Variants in C2orf76 observed in about 807,000 individuals in gnomAD.
C2orf76 encodes chromosome 2 open reading frame 76, also known as UPF0538 protein C2orf76.
C2orf76 carries 23 observed loss-of-function variants against 16.9 expected under a neutral mutation model. The observed-to-expected ratio is 1.36, with a 90% CI of 0.98 to 1.93. C2orf76 has a LOEUF of 1.93. Among genes scored for constraint, C2orf76 ranks in the 30% most tolerant of loss-of-function variants. The probability of loss-of-function intolerance (pLI) is 0.00; values close to 1 mark genes in which losing one functional copy is unlikely to be tolerated. For synonymous variants in C2orf76, 48 were observed against 52.3 expected (o/e 0.92, Z 0.35); for missense variants, 152 against 152.6 (o/e 1.00, Z 0.02).
intron 1 of C2orf76, among the ~76,000 whole-genome samples, chr2:119,349,582 C>T (rs867124531): frequency 5.9e-5 from 9 of 152,218 alleles, no homozygotes; most frequent in Admixed American, 2.0e-4. Context: ...CAGTTCCCCA[C>T]ACCCACCACG....
downstream of C2orf76, among the ~76,000 whole-genome samples, chr2:119,298,665 G>A (rs947654343): frequency 6.6e-6 from 1 of 151,784 alleles, no homozygotes; most frequent in African/African-American, 2.4e-5. Flanking sequence ...GATTAGGTAG[G>A]TATCTTCCAT....
intron 1 of C2orf76, among the ~76,000 whole-genome samples, chr2:119,354,840 T>C (rs1680518795): frequency 6.6e-6 from 1 of 152,266 alleles, no homozygotes; most frequent in African/African-American, 2.4e-5. Flanking sequence ...AAATTTTAGC[T>C]AATCTGCTGA....
chr2:119,304,937 A>G (rs1678729100), intron 5 of C2orf76, among the ~76,000 whole-genome samples: 1 of 152,174 alleles, frequency 6.6e-6, no homozygotes, highest in African/African-American at 2.4e-5. Context: ...CTGCTTCCCA[A>G]ATACTATTTA....
intron 4 of C2orf76, among the ~76,000 whole-genome samples, chr2:119,314,213 A>C (rs1399907404): frequency 6.6e-6 from 1 of 151,480 alleles, no homozygotes; most frequent in South Asian, 2.1e-4. Flanking sequence ...CATTTTTTGA[A>C]TTTTTCATCG....
chr2:119,328,316 C>T (rs1182336211), intron 2 of C2orf76, among the ~76,000 whole-genome samples: 2 of 151,902 alleles, frequency 1.3e-5, no homozygotes, highest in Non-Finnish European at 2.9e-5. Context: ...TTGTTCATGC[C>T]GTTTCTTTTT....
At chr2:119,294,673 C>G in the C2orf76 span, among the ~76,000 whole-genome samples, 2 of 151,982 alleles carry the variant, frequency 1.3e-5, no homozygotes, top group Admixed American at 1.3e-4. Context: ...GGAGGGGTCT[C>G]AGAGTTGAGG....
At chr2:119,303,885 T>C (rs13015640) in intron 5 of C2orf76, among the ~76,000 whole-genome samples, 29,773 of 152,032 alleles carry the variant, frequency 0.2, 3,172 homozygotes, top group Middle Eastern at 0.31. Context: ...ACAAGGAGCC[T>C]GTGGGGGATA....
rs1367926817 is a variant in C2orf76, at chr2:119,366,794, TC to T, written c.-18del. Reference sequence around the variant, plus strand: ...CCCTACTTCCGTTGTCCCCACCTGTTCCCGGCGTCCCCTTCGGCTACTCCCG... The same window carrying T: ...CCCTACTTCCGTTGTCCCCACCTGTTCCGGCGTCCCCTTCGGCTACTCCCG... On this transcript the variant is annotated 5_prime_UTR_variant, in exon 1 of 6. Transcript: ENST00000334816. 2 of 575,202 alleles carry T rather than the reference TC, an allele frequency of 3.5e-6. No individual in the cohort carries two copies. Among genetic ancestry groups the T allele is most frequent in the Non-Finnish European group, 6.1e-6 (2 of 325,482 alleles). 35.6% of individuals were successfully genotyped at this position (575,202 alleles called of 1,614,324 possible). A position where few individuals can be genotyped will look rare whatever the true frequency, so the allele number is the denominator to read the frequency against.
the C2orf76 span, among the ~76,000 whole-genome samples, chr2:119,289,384 T>A: frequency 2.0e-5 from 3 of 152,038 alleles, no homozygotes; most frequent in Non-Finnish European, 4.4e-5. Context: ...CCAGCTGTGG[T>A]GTCTGCATTA....
intron 1 of C2orf76, among the ~76,000 whole-genome samples, chr2:119,346,531 C>T (rs1425058655): frequency 6.6e-6 from 1 of 152,154 alleles, no homozygotes; most frequent in Non-Finnish European, 1.5e-5. Context: ...TGAAAAAAGG[C>T]AGTCTCAAAA....
chr2:119,312,448 C>T (rs1421735896), intron 4 of C2orf76, among the ~76,000 whole-genome samples: 1 of 152,058 alleles, frequency 6.6e-6, no homozygotes, highest in Non-Finnish European at 1.5e-5. Context: ...CGGGGTCTCA[C>T]TATCTTGCCC....
intron 1 of C2orf76, among the ~76,000 whole-genome samples, chr2:119,353,927 G>A (rs1680485719): frequency 1.3e-5 from 2 of 152,116 alleles, no homozygotes; most frequent in Admixed American, 1.3e-4. Flanking sequence ...GAGGCTGGTT[G>A]AAGGTACAGT....
At chr2:119,320,551 T>G (rs1421560084) in intron 3 of C2orf76, among the ~76,000 whole-genome samples, 1 of 152,170 alleles carries the variant, frequency 6.6e-6, no homozygotes, top group Non-Finnish European at 1.5e-5. Flanking sequence ...GGTCATAAGT[T>G]GTTCTATCAA....
chr2:119,364,977 G>A (rs1421749799), intron 1 of C2orf76, among the ~76,000 whole-genome samples: 11 of 152,108 alleles, frequency 7.2e-5, no homozygotes, highest in African/African-American at 2.2e-4. Context: ...CCAGCTACTC[G>A]GGAGGCTAAG....
At chr2:119,364,993 A>G (rs1680879868) in intron 1 of C2orf76, among the ~76,000 whole-genome samples, 1 of 152,194 alleles carries the variant, frequency 6.6e-6, no homozygotes, top group Non-Finnish European at 1.5e-5. Flanking sequence ...CTAAGGTGGG[A>G]GGATCGCTTG....
downstream of C2orf76, among the ~76,000 whole-genome samples, chr2:119,301,393 A>T (rs1000559093): frequency 1.3e-5 from 2 of 152,236 alleles, no homozygotes; most frequent in African/African-American, 4.8e-5. Context: ...TTTGTTAAGA[A>T]ATCATAGGTT....
At chr2:119,343,536 C>T (rs977426915) in intron 1 of C2orf76, among the ~76,000 whole-genome samples, 2 of 151,794 alleles carry the variant, frequency 1.3e-5, no homozygotes, top group African/African-American at 2.4e-5. Flanking sequence ...TGGAATGCAG[C>T]CCAGTGTCCC....
At chr2:119,365,663 A>C (rs994166770) in intron 1 of C2orf76, among the ~76,000 whole-genome samples, 2 of 152,094 alleles carry the variant, frequency 1.3e-5, no homozygotes, top group Non-Finnish European at 2.9e-5. Context: ...TCTCCAGAGA[A>C]TTTTCCATCA....
chr2:119,317,679 A>G (rs1679216427), intron 3 of C2orf76, among the ~76,000 whole-genome samples, 176 bp from the exon 4 acceptor site: 1 of 152,208 alleles, frequency 6.6e-6, no homozygotes, highest in Non-Finnish European at 1.5e-5. Flanking sequence ...TAGATCATTA[A>G]AACTGAAGTA....
Sources: gnomAD v4.1 joint callset for allele counts (sites outside exome capture counted in the v4.1 genomes callset) on GRCh38, gnomAD v4.1.1 for gene constraint, MANE v1.5 for transcripts, NCBI Gene and HGNC (gene_info 2026-07-23, HGNC 2026-07-21) for gene names.